SARM1: variants seen among roughly 807,000 people sequenced by gnomAD.
The protein encoded by SARM1 is sterile alpha and TIR motif containing 1, also known as NAD(+) hydrolase SARM1.
SARM1 carries 60 observed loss-of-function variants against 65.1 expected under a neutral mutation model. That is an observed-to-expected ratio of 0.92 (90% CI 0.75 to 1.14). The LOEUF is 1.14. Ranked by LOEUF, SARM1 falls within the 50% of genes most tolerant of loss-of-function variation. The pLI is 0.00. For missense variants in SARM1, 913 were observed against 1,015.7 expected (o/e 0.90, Z 1.37); for synonymous variants, 417 against 465.4 (o/e 0.90, Z 1.34).
chr17:28,403,247 A>G lies in SARM1; in HGVS notation c.*6961A>G, dbSNP rs1464906797. 6.6e-6 allele frequency: 1 copy of G among 152,264 alleles called. No individual in the cohort carries two copies. The highest frequency in any genetic ancestry group is 6.5e-5 in the Admixed American group (1 of 15,278). 9.4% of individuals were successfully genotyped at this position (152,264 alleles called of 1,614,324 possible). ...TAAGCCCCCAAGTTTGTGGTATGTCATTACAGCAATCTCAGGGAACCAATA... is the reference window on the plus strand; with the variant it reads ...TAAGCCCCCAAGTTTGTGGTATGTCGTTACAGCAATCTCAGGGAACCAATA... On this transcript the variant is annotated 3_prime_UTR_variant, in exon 9 of 9. Transcript: ENST00000585482.
chr17:28,383,569 T>C (rs2068035097), intron 2 of SARM1, among the ~76,000 whole-genome samples: 1 of 152,128 alleles, frequency 6.6e-6, no homozygotes, highest in African/African-American at 2.4e-5. Context: ...ACCCCAAGGA[T>C]TGGATCTGGG....
Position 28,388,454 on chromosome 17 carries a change from G to T in SARM1, c.1838G>T (p.Gly613Val). Reference protein sequence around the residue: ...FEDKLIQSVMGARNFVLVLSP... With the variant: ...FEDKLIQSVMVARNFVLVLSP... Reference sequence around the variant, plus strand: ...GACAAACTCATCCAGAGTGTCATGGGTGCCCGCAACTTTGTGTTGGTGCTA... The same window carrying T: ...GACAAACTCATCCAGAGTGTCATGGTTGCCCGCAACTTTGTGTTGGTGCTA... Residue 613 changes from glycine (G) to valine (V), a missense_variant, in exon 7 of 9, where the codon GGT (glycine) becomes GTT (valine). By Grantham distance (109) the Gly-to-Val change is moderately radical. This residue lies in a region of SARM1 where 862 missense variants were observed against 952.1 expected (regional missense o/e 0.91). Coordinates refer to ENST00000585482, the MANE Select transcript of SARM1 (RefSeq NM_015077.4). The T allele has an allele frequency of 6.2e-7, 1 of 1,613,998 alleles. No individual in the cohort carries two copies. The highest frequency in any genetic ancestry group is 8.5e-7 in the Non-Finnish European group (1 of 1,179,898).
rs2067965772 is a variant in SARM1, at chr17:28,372,725, C to T, written c.470+223C>T. On this transcript the variant is annotated intron_variant, in intron 1 of 8. Transcript: ENST00000585482. The surrounding 1 kb of genome is among the most constrained non-coding windows in gnomAD (Gnocchi z 5.2). ...GGATCACAGTGAACTAAGATTTGCT[C>T]CCAGGGCTAGTGGGGTGAGGAATGG... Among the ~76,000 whole-genome samples, 1 of 152,182 alleles carries T rather than the reference C, an allele frequency of 6.6e-6. No homozygotes were observed. The highest frequency in any genetic ancestry group is 6.5e-5 in the Admixed American group (1 of 15,276).
rs895263586 is a variant in SARM1, at chr17:28,400,177, G to A, written c.*3891G>A. The A allele has an allele frequency of 8.2e-6, 2 of 243,674 alleles. No individual in the cohort carries two copies. Among genetic ancestry groups the A allele is most frequent in the Middle Eastern group, 1.7e-3 (1 of 606 alleles). 15.1% of individuals were successfully genotyped at this position (243,674 alleles called of 1,614,324 possible). A position where few individuals can be genotyped will look rare whatever the true frequency, so the allele number is the denominator to read the frequency against. On this transcript the variant is annotated 3_prime_UTR_variant, in exon 9 of 9. Coordinates refer to ENST00000585482, the MANE Select transcript of SARM1 (RefSeq NM_015077.4). Reference sequence around the variant, plus strand: ...CCCACAGGATCGGGATTACAGGCAAGAGCCTCCACGCCCGGCCATGAAATA... The same window carrying A: ...CCCACAGGATCGGGATTACAGGCAAAAGCCTCCACGCCCGGCCATGAAATA...
intron 7 of SARM1, among the ~76,000 whole-genome samples, chr17:28,394,214 C>T (rs2142439551): frequency 6.6e-6 from 1 of 152,230 alleles, no homozygotes; most frequent in Non-Finnish European, 1.5e-5. Flanking sequence ...ATATTAGCTA[C>T]ATGAAAGGGC....
At chr17:28,392,280 T>TTATA (rs147295727) in intron 7 of SARM1, among the ~76,000 whole-genome samples, 1 of 151,220 alleles carries the variant, frequency 6.6e-6, no homozygotes, top group Non-Finnish European at 1.5e-5. Context: ...TCCAGCTAAT[T>TTATA]TATATATATA....
rs553725496 is a variant in SARM1, at chr17:28,402,842, A to C, written c.*6556A>C. The C allele has an allele frequency of 5.2e-5, 8 of 153,070 alleles. No homozygotes were observed. The highest frequency in any genetic ancestry group is 1.9e-4 in the African/African-American group (8 of 41,592). The allele number at this position is 153,070 out of a possible 1,614,324, so 9.5% of individuals were successfully genotyped here. On this transcript the variant is annotated 3_prime_UTR_variant, in exon 9 of 9. Transcript: ENST00000585482. ...ATTCATAGCCCTGGAACCTGTAAATACTACCTTATTTGGAAAATGAGTCTA... is the reference window on the plus strand; with the variant it reads ...ATTCATAGCCCTGGAACCTGTAAATCCTACCTTATTTGGAAAATGAGTCTA...
rs1304934966 is a variant in SARM1 at position 28,396,266 on chromosome 17, G to A, written c.2155G>A (p.Ala719Thr). 1 of 1,613,854 alleles carries A rather than the reference G, an allele frequency of 6.2e-7. No homozygotes were observed. The highest frequency in any genetic ancestry group is 2.2e-5 in the East Asian group (1 of 44,888). The change falls in exon 9 of 9, where the codon GCA (alanine) becomes ACA (threonine). Residue 719 changes from alanine to threonine, a missense_variant. Ala to Thr is a moderately conservative substitution (Grantham distance 58). Transcript: ENST00000585482. ...AGSDTSLEGA[A>T]PMGPT ...CTCTGACACCAGTTTGGAGGGTGCT[G>A]CACCCATGGGTCCAACCTAACCAGT...
intron 1 of SARM1, among the ~76,000 whole-genome samples, chr17:28,376,526 T>C (rs1165772463): frequency 2.0e-5 from 3 of 151,844 alleles, no homozygotes; most frequent in Admixed American, 1.3e-4. Context: ...CGAGCTGAGA[T>C]TGCGCCACTG....
At chr17:28,386,015 C>T (rs926780474) in intron 5 of SARM1, among the ~76,000 whole-genome samples, 3 of 152,052 alleles carry the variant, frequency 2.0e-5, no homozygotes, top group African/African-American at 4.8e-5. Flanking sequence ...GTTTGAGGGC[C>T]GGGCACCGTG....
Position 28,400,474 on chromosome 17 carries a change from GA to G in SARM1, c.*4189del. 8.2e-7 allele frequency: 1 copy of G among 1,214,108 alleles called. No individual in the cohort carries two copies. Among genetic ancestry groups the G allele is most frequent in the Non-Finnish European group, 1.1e-6 (1 of 882,528 alleles). 75.2% of individuals were successfully genotyped at this position (1,214,108 alleles called of 1,614,324 possible). A position where few individuals can be genotyped will look rare whatever the true frequency, so the allele number is the denominator to read the frequency against. The stretch of plus-strand genomic sequence containing the variant: ...AGGATTAGGCAGCCATCTGCAAGGA[GA>G]GGGGCAACCTGGGACAAGACACCCA... On this transcript the variant is annotated 3_prime_UTR_variant, in exon 9 of 9. Coordinates refer to ENST00000585482, the MANE Select transcript of SARM1 (RefSeq NM_015077.4).
Position 28,372,103 on chromosome 17 carries a change from G to A in SARM1, c.71G>A (p.Gly24Asp), listed in dbSNP as rs552929140. The change falls in exon 1 of 9, where the codon GGC becomes GAC. Residue 24 changes from glycine (G) to aspartate (D), a missense_variant. Gly to Asp is a moderately conservative substitution (Grantham distance 94, BLOSUM62 -1). Around this residue, in one of 3 missense-constraint regions of SARM1, gnomAD observed 39 missense variants for 32.0 expected, o/e 1.22. Coordinates refer to ENST00000585482, the MANE Select transcript of SARM1 (RefSeq NM_015077.4). The surrounding 1 kb of genome is among the most constrained non-coding windows in gnomAD (Gnocchi z 5.2). ...RFFAMSGPRP[G>D]AERLAVPGPD... ...TTCGCCATGTCGGGCCCACGGCCGG[G>A]CGCCGAGCGGCTGGCGGTGCCTGGG... 5.1e-5 allele frequency: 75 copies of A among 1,480,386 alleles called. No individual in the cohort carries two copies. The African/African-American group carries it at 1.0e-3, about 20-fold the overall frequency. The allele number at this position is 1,480,386 out of a possible 1,614,324, so 91.7% of individuals were successfully genotyped here.
intron 7 of SARM1, 27 bp downstream of exon 7, chr17:28,388,566 T>C (rs898412619): frequency 6.2e-7 from 1 of 1,603,320 alleles, no homozygotes; most frequent in Non-Finnish European, 8.5e-7. Flanking sequence ...GCTTCTGCGG[T>C]CCCAGCATTG....
chr17:28,386,040 T>TTCTA lies in SARM1; in HGVS notation c.1630+766_1630+769dup, dbSNP rs1361873943. 2.0e-5 allele frequency among the ~76,000 whole-genome samples: 3 copies of TTCTA among 152,308 alleles called. No individual in the cohort carries two copies. In the East Asian group the frequency reaches 5.8e-4, roughly 29 times the overall value. ...CGGGCACCGTGGCTCATGCCTGTAA[T>TTCTA]TCTAGGACTTTGGGAGGCCAAGGCA... On this transcript the variant is annotated intron_variant, in intron 5 of 8. Transcript: ENST00000585482.
chr17:28,393,454 G>A (rs2068091084), intron 7 of SARM1, among the ~76,000 whole-genome samples: 2 of 152,112 alleles, frequency 1.3e-5, no homozygotes, highest in African/African-American at 4.8e-5. Flanking sequence ...GGGAGGCTGA[G>A]GTGGGAGGAT....
rs782661682 is a variant in SARM1 at position 28,402,209 on chromosome 17, A to G, written c.*5923A>G. On this transcript the variant is annotated 3_prime_UTR_variant, in exon 9 of 9. Coordinates refer to ENST00000585482, the MANE Select transcript of SARM1 (RefSeq NM_015077.4). The stretch of plus-strand genomic sequence containing the variant: ...TTTCGGGCAGCACTGGACATGAGGA[A>G]CCAGACACAGGTGGGTTCTGACACT... 1 of 1,598,276 alleles carries G rather than the reference A, an allele frequency of 6.3e-7. No individual in the cohort carries two copies. Among genetic ancestry groups the G allele is most frequent in the Admixed American group, 1.7e-5 (1 of 59,000 alleles).
rs1339337421 is a variant in SARM1 at position 28,388,275 on chromosome 17, A to G, written c.1732A>G (p.Ser578Gly). ...YRRNSGSQLA[S>G]LLKVHLQLHG... ...CCGGAACTCAGGTTCCCAGCTGGCC[A>G]GGTGAGGAGGGGCGGGCGGGCAGCG... Residue 578 changes from serine (S) to glycine (G), a missense_variant and splice_region_variant, in exon 6 of 9, where the codon AGT becomes GGT. By Grantham distance (56) the Ser-to-Gly change is moderately conservative. Transcript: ENST00000585482. 6 of 1,557,230 alleles carry G rather than the reference A, an allele frequency of 3.9e-6. No homozygotes were observed. Among genetic ancestry groups the G allele is most frequent in the Non-Finnish European group, 3.5e-6 (4 of 1,150,724 alleles).
In SARM1 at chr17:28,388,275, A is replaced by C; in HGVS notation, c.1732A>C (p.Ser578Arg). 1 of 1,557,354 alleles carries C rather than the reference A, an allele frequency of 6.4e-7. No individual in the cohort carries two copies. Among genetic ancestry groups the C allele is most frequent in the Non-Finnish European group, 8.7e-7 (1 of 1,150,718 alleles). The change falls in exon 6 of 9, where the codon AGT becomes CGT. Residue 578 changes from serine (S) to arginine (R), a missense_variant and splice_region_variant. Transcript: ENST00000585482. ...YRRNSGSQLASLLKVHLQLHG... is the reference protein window; with the variant it reads ...YRRNSGSQLARLLKVHLQLHG... ...CCGGAACTCAGGTTCCCAGCTGGCC[A>C]GGTGAGGAGGGGCGGGCGGGCAGCG...
At position 28,384,984 on chromosome 17, in the gene SARM1, C is replaced by T; in HGVS notation, c.1394+54C>T. 1 of 1,601,312 alleles carries T rather than the reference C, an allele frequency of 6.2e-7. No individual in the cohort carries two copies. The highest frequency in any genetic ancestry group is 8.5e-7 in the Non-Finnish European group (1 of 1,172,902). On this transcript the variant is annotated intron_variant, in intron 4 of 8. Transcript: ENST00000585482. The surrounding 1 kb of genome is among the most constrained non-coding windows in gnomAD (Gnocchi z 4.4). Reference sequence around the variant, plus strand: ...AGCTAGGTCTAAATAAGCTCCCCCTCCGCCCACAGCCCGTCCGAGTCTGGA... The same window carrying T: ...AGCTAGGTCTAAATAAGCTCCCCCTTCGCCCACAGCCCGTCCGAGTCTGGA...
Sources: gnomAD v4.1 joint callset for allele counts (sites outside exome capture counted in the v4.1 genomes callset) on GRCh38, gnomAD v4.1.1 for gene constraint, gnomAD v4.1.1 regional missense constraint, Gnocchi (gnomAD v3.1) non-coding constraint, MANE v1.5 for transcripts, NCBI Gene and HGNC (gene_info 2026-07-23, HGNC 2026-07-21) for gene names.